Variants in ILRUN observed in about 807,000 individuals in gnomAD.
ILRUN encodes the protein protein ILRUN.
A neutral mutation model predicts 33.8 loss-of-function variants in ILRUN; 3 were observed. The observed-to-expected ratio is 0.09, with a 90% CI of 0.04 to 0.23. The LOEUF (loss-of-function observed/expected upper bound fraction) is 0.23, where lower values mean the gene tolerates loss of function less well. ILRUN is among the 10% of genes least tolerant of loss of function. ILRUN has a pLI of 1.00. For missense variants in ILRUN, 210 were observed against 375.1 expected (o/e 0.56, Z 3.64); for synonymous variants, 124 against 138.9 (o/e 0.89, Z 0.75).
At chr6:34,624,861 T>C (rs765360038) in intron 3 of ILRUN, among the ~76,000 whole-genome samples, 1 of 152,226 alleles carries the variant, frequency 6.6e-6, no homozygotes, top group Non-Finnish European at 1.5e-5. Context: ...GGTAACTAGT[T>C]ACTCTTGGTG....
intron 1 of ILRUN, among the ~76,000 whole-genome samples, chr6:34,688,699 G>C (rs1281737662): frequency 6.6e-6 from 1 of 152,058 alleles, no homozygotes; most frequent in Non-Finnish European, 1.5e-5. Context: ...TGTAATCCCA[G>C]ATACTTGGGA....
chr6:34,684,483 A>G (rs1052324118), intron 1 of ILRUN, among the ~76,000 whole-genome samples: 7 of 152,206 alleles, frequency 4.6e-5, no homozygotes, highest in African/African-American at 1.7e-4. Context: ...CTTTTCTCCC[A>G]TCTACCCTTA....
intron 3 of ILRUN, among the ~76,000 whole-genome samples, chr6:34,637,141 G>T (rs1762380537): frequency 6.6e-6 from 1 of 152,140 alleles, no homozygotes; most frequent in South Asian, 2.1e-4. Flanking sequence ...GGGAAGTGCA[G>T]TAAGTTCTAT....
intron 3 of ILRUN, among the ~76,000 whole-genome samples, chr6:34,637,515 C>T (rs557309125): frequency 6.6e-6 from 1 of 152,288 alleles, no homozygotes; most frequent in South Asian, 2.1e-4. Context: ...AAAGGTGCAG[C>T]TTTCAAATTA....
intron 3 of ILRUN, among the ~76,000 whole-genome samples, chr6:34,626,527 AT>A (rs1428035159): frequency 6.6e-6 from 1 of 152,070 alleles, no homozygotes. Context: ...ACCAAGAGAT[AT>A]TTCCCCCACA....
At chr6:34,622,697 C>CA (rs917308699) in intron 3 of ILRUN, among the ~76,000 whole-genome samples, 2 of 152,176 alleles carry the variant, frequency 1.3e-5, no homozygotes, top group South Asian at 2.1e-4. Context: ...TACGATTCCA[C>CA]AAAAAATTGA....
chr6:34,640,809 G>A (rs1199704463), intron 3 of ILRUN, among the ~76,000 whole-genome samples: 2 of 152,008 alleles, frequency 1.3e-5, no homozygotes, highest in African/African-American at 2.4e-5. Context: ...AGCCAGGCAC[G>A]GTAGCTCATG....
In ILRUN at chr6:34,592,428, T is replaced by C. The variant is rs1761311986; in HGVS notation, c.862-1828A>G. Among the ~76,000 whole-genome samples, 1 of 152,174 alleles carries C rather than the reference T, an allele frequency of 6.6e-6. No individual in the cohort carries two copies. The highest frequency in any genetic ancestry group is 1.5e-5 in the Non-Finnish European group (1 of 68,036). On this transcript the variant is annotated intron_variant, in intron 4 of 4. Transcript: ENST00000374023. The surrounding 1 kb of genome is among the most constrained non-coding windows in gnomAD (Gnocchi z 4.0). ...CCTCTAGCAGACGAGCTATGAACCA[T>C]CTCAGCAGCCACAGCATCCACCCAC...
At chr6:34,690,702 C>CT (rs1227773726) in intron 1 of ILRUN, among the ~76,000 whole-genome samples, 1 of 152,136 alleles carries the variant, frequency 6.6e-6, no homozygotes, top group Non-Finnish European at 1.5e-5. Flanking sequence ...GTTCTGGCCT[C>CT]TTAACAGAGT....
chr6:34,682,270 T>G (rs1418191923), intron 1 of ILRUN, among the ~76,000 whole-genome samples: 4 of 140,162 alleles, frequency 2.9e-5, no homozygotes, highest in Non-Finnish European at 4.6e-5. Flanking sequence ...TTTTTTTTTT[T>G]TTTTTTTGAG....
At chr6:34,660,883 G>A (rs999564449) in intron 1 of ILRUN, among the ~76,000 whole-genome samples, 5 of 152,148 alleles carry the variant, frequency 3.3e-5, no homozygotes, top group South Asian at 2.1e-4. Flanking sequence ...TAAAGGCAAC[G>A]GTCAATACTG....
chr6:34,660,183 G>A lies in ILRUN; in HGVS notation c.159-5404C>T, dbSNP rs189751100. ...CCAGGCATGGTGGCATACACCTATA[G>A]TCCCAGCCACTCAGGGGGCTGAAGT... On this transcript the variant is annotated intron_variant, in intron 1 of 4. Coordinates refer to ENST00000374023, the MANE Select transcript of ILRUN (RefSeq NM_024294.4). Among the ~76,000 whole-genome samples the A allele has an allele frequency of 1.4e-3, 219 of 151,506 alleles. 1 individual carries two copies. The highest frequency in any genetic ancestry group is 4.7e-3 in the African/African-American group (196 of 41,282).
chr6:34,607,016 A>G lies in ILRUN; in HGVS notation c.512-112T>C, dbSNP rs1761647897. ...AAACCACAGAATGAAACATTCTTCT[A>G]TATGCTAGTTTTAAAAGCTTGCTAA... On this transcript the variant is annotated intron_variant, in intron 3 of 4. Coordinates refer to ENST00000374023, the MANE Select transcript of ILRUN (RefSeq NM_024294.4). 1.5e-5 allele frequency: 12 copies of G among 790,604 alleles called. No individual in the cohort carries two copies. The East Asian group carries it at 3.1e-4, about 21-fold the overall frequency. The allele number at this position is 790,604 out of a possible 1,614,324, so 49.0% of individuals were successfully genotyped here.
chr6:34,633,107 C>T (rs933555688), intron 3 of ILRUN, among the ~76,000 whole-genome samples: 2 of 152,046 alleles, frequency 1.3e-5, no homozygotes, highest in Non-Finnish European at 2.9e-5. Context: ...ACCTTGTAAA[C>T]ACTAGTCAAA....
chr6:34,676,842 T>A (rs532227265), intron 1 of ILRUN, among the ~76,000 whole-genome samples: 2 of 152,046 alleles, frequency 1.3e-5, no homozygotes, highest in South Asian at 4.2e-4. Context: ...TTATCCAAAA[T>A]CAGGCTTTCT....
At chr6:34,688,418 A>T (rs1763574136) in intron 1 of ILRUN, among the ~76,000 whole-genome samples, 1 of 151,928 alleles carries the variant, frequency 6.6e-6, no homozygotes, top group Non-Finnish European at 1.5e-5. Flanking sequence ...AAAAAAAAAA[A>T]AATGAAGTAC....
chr6:34,667,286 G>A (rs1161392361), intron 1 of ILRUN, among the ~76,000 whole-genome samples: 1 of 152,056 alleles, frequency 6.6e-6, no homozygotes, highest in Admixed American at 6.5e-5. Flanking sequence ...TATGGCTGAA[G>A]GTAAGGCAAA....
intron 3 of ILRUN, among the ~76,000 whole-genome samples, chr6:34,610,166 AAAAAAG>A (rs888544802): frequency 2.0e-5 from 3 of 152,176 alleles, no homozygotes; most frequent in East Asian, 1.9e-4. Context: ...GTCTCAAAAA[AAAAAAG>A]AAAAAGAAAA....
rs1394704675 is a variant in ILRUN at position 34,590,246 on chromosome 6, T to A, written c.*319A>T. 1 of 201,018 alleles carries A rather than the reference T, an allele frequency of 5.0e-6. No homozygotes were observed. 12.5% of individuals were successfully genotyped at this position (201,018 alleles called of 1,614,324 possible). ...TTTTTGTTTAAAAAGATGGCTTTTT[T>A]TCCCCCATTTTAAACTTTTTCCCCC... On this transcript the variant is annotated 3_prime_UTR_variant, in exon 5 of 5. Transcript: ENST00000374023.
Sources: allele counts gnomAD v4.1 joint callset (sites outside exome capture counted in the v4.1 genomes callset), GRCh38; gene constraint gnomAD v4.1.1; non-coding constraint Gnocchi (gnomAD v3.1); transcripts MANE v1.5; gene names NCBI Gene and HGNC (gene_info 2026-07-23, HGNC 2026-07-21).